The following KIF9 variants were observed in gnomAD, a reference collection of about 807,000 sequenced individuals.
KIF9 encodes the protein kinesin family member 9, also known as kinesin-like protein KIF9.
KIF9 carries 68 observed loss-of-function variants against 94.8 expected under a neutral mutation model. That is an observed-to-expected ratio of 0.72 (90% confidence interval 0.59 to 0.88). The LOEUF (loss-of-function observed/expected upper bound fraction) is 0.88. KIF9 is among the 40% of genes least tolerant of loss of function. KIF9 has a pLI of 0.00. For synonymous variants in KIF9, 343 were observed against 362.1 expected, an observed-to-expected ratio of 0.95 and a Z score of 0.60; for missense variants, 882 against 982.5, an observed-to-expected ratio of 0.90 and a Z score of 1.37.
rs781738573 is a variant in KIF9 at position 47,271,469 on chromosome 3, A to G, written c.367-8T>C. Reference sequence around the variant, plus strand: ...TTCGATCATCCTAAAAACCTAGATGACAGATTGTACAGCGGTCACCAAGAG... The same window carrying G: ...TTCGATCATCCTAAAAACCTAGATGGCAGATTGTACAGCGGTCACCAAGAG... On this transcript the variant is annotated splice_polypyrimidine_tract_variant and splice_region_variant and intron_variant, in intron 4 of 20. Coordinates refer to ENST00000684063, the MANE Select transcript of KIF9 (RefSeq NM_182902.4). 4.3e-6 allele frequency: 7 copies of G among 1,611,014 alleles called. No individual in the cohort carries two copies. Among genetic ancestry groups the G allele is most frequent in the Non-Finnish European group, 5.9e-6 (7 of 1,177,420 alleles).
At chr3:47,250,633 T>A in intron 10 of KIF9, 1 of 427,768 alleles carries the variant, frequency 2.3e-6, no homozygotes, top group East Asian at 6.4e-5. Flanking sequence ...GGATCATAAA[T>A]GACACATTTT....
intron 9 of KIF9, among the ~76,000 whole-genome samples, 160 bp from the exon 10 acceptor site, chr3:47,257,720 T>G (rs1700713371): frequency 6.6e-6 from 1 of 152,010 alleles, no homozygotes; most frequent in African/African-American, 2.4e-5. Context: ...GTCAAAAGAG[T>G]TCTTGGGTAT....
chr3:47,266,934 T>C (rs1458593611), intron 7 of KIF9, 42 bp downstream of exon 7: 1 of 1,432,940 alleles, frequency 7.0e-7, no homozygotes, highest in African/African-American at 1.4e-5. Flanking sequence ...GAAAAAGGGC[T>C]TGTGGTTTAT....
intron 10 of KIF9, among the ~76,000 whole-genome samples, chr3:47,252,132 A>G (rs1176808153): frequency 6.6e-6 from 1 of 152,232 alleles, no homozygotes; most frequent in Admixed American, 6.5e-5. Context: ...CAGTCTAGGA[A>G]AGGCAGCAAC....
At chr3:47,260,351 C>T (rs1216339014) in intron 9 of KIF9, among the ~76,000 whole-genome samples, 1 of 151,654 alleles carries the variant, frequency 6.6e-6, no homozygotes, top group Non-Finnish European at 1.5e-5. Flanking sequence ...AACTCAGAGG[C>T]TGGCGGGATC....
At chr3:47,239,344 G>C (rs1699295668) in intron 17 of KIF9, among the ~76,000 whole-genome samples, 1 of 152,190 alleles carries the variant, frequency 6.6e-6, no homozygotes, top group African/African-American at 2.4e-5. Context: ...TATGTTCAAA[G>C]AAAGTGTGAG....
intron 2 of KIF9, 22 bp downstream of exon 2, chr3:47,277,260 A>C (rs1433421921): frequency 6.3e-7 from 1 of 1,579,710 alleles, no homozygotes; most frequent in African/African-American, 1.3e-5. Context: ...CAGTCAGTTG[A>C]AGGCAAACAC....
At chr3:47,271,215 C>T (rs931077923) in intron 5 of KIF9, 22 bp downstream of exon 5, 1 of 1,540,428 alleles carries the variant, frequency 6.5e-7, no homozygotes, top group Non-Finnish European at 9.0e-7. Context: ...AGGAAAGGAA[C>T]CCTCAGGTTT....
At chr3:47,234,090 C>T (rs1019854584) in intron 20 of KIF9, among the ~76,000 whole-genome samples, 2 of 151,500 alleles carry the variant, frequency 1.3e-5, no homozygotes, top group South Asian at 4.2e-4. Flanking sequence ...TCCCACCCCC[C>T]CCAAAAAAAA....
At chr3:47,261,186 G>A (rs942180835) in intron 9 of KIF9, among the ~76,000 whole-genome samples, 1 of 152,212 alleles carries the variant, frequency 6.6e-6, no homozygotes, top group African/African-American at 2.4e-5. Context: ...ACTGGCCTCT[G>A]TGTCTTTGGC....
At chr3:47,239,947 T>C in intron 17 of KIF9, 1 of 1,366,372 alleles carries the variant, frequency 7.3e-7, no homozygotes, top group Non-Finnish European at 9.8e-7. Flanking sequence ...GAGCCAGGAG[T>C]GTGAAGAACA....
At chr3:47,258,042 C>T (rs539761771) in intron 9 of KIF9, among the ~76,000 whole-genome samples, 5 of 152,262 alleles carry the variant, frequency 3.3e-5, no homozygotes, top group South Asian at 2.1e-4. Context: ...CCCTCCTTCA[C>T]GCAGTTTTCA....
chr3:47,235,728 C>T (rs750941036), intron 19 of KIF9, 111 bp from the exon 20 acceptor site: 77 of 832,026 alleles, frequency 9.3e-5, no homozygotes, highest in Non-Finnish European at 1.4e-4. Context: ...ACCGCCCCAC[C>T]GCCACCAAAA....
At chr3:47,277,219 T>C (rs1275042703) in intron 2 of KIF9, 63 bp downstream of exon 2, 3 of 1,238,108 alleles carry the variant, frequency 2.4e-6, no homozygotes, top group Non-Finnish European at 3.5e-6. Flanking sequence ...GGAAATACGG[T>C]CACACTATAG....
chr3:47,253,789 T>C (rs1252589075), intron 10 of KIF9, among the ~76,000 whole-genome samples: 1 of 152,194 alleles, frequency 6.6e-6, no homozygotes, highest in East Asian at 1.9e-4. Flanking sequence ...TACTCCCCTG[T>C]TAAAGGATAT....
chr3:47,251,517 T>C (rs1047502310), intron 10 of KIF9, among the ~76,000 whole-genome samples: 2 of 152,056 alleles, frequency 1.3e-5, no homozygotes, highest in African/African-American at 2.4e-5. Flanking sequence ...TGAGCCAAGA[T>C]TGCACCACTG....
At position 47,253,259 on chromosome 3, in the gene KIF9, G is replaced by A. The variant is rs188940291; in HGVS notation, c.1059+4224C>T. Among the ~76,000 whole-genome samples the A allele has an allele frequency of 2.0e-4, 30 of 152,032 alleles. 1 individual carries two copies. Among genetic ancestry groups the A allele is most frequent in the Admixed American group, 1.2e-3 (19 of 15,260 alleles). On this transcript the variant is annotated intron_variant, in intron 10 of 20. Coordinates refer to ENST00000684063, the MANE Select transcript of KIF9 (RefSeq NM_182902.4). ...CAACCACTGCCCCTCAGGCACAAGC[G>A]ATTCTTGTGCCTCAGCCTCCCGAGT...
intron 8 of KIF9, among the ~76,000 whole-genome samples, chr3:47,264,800 C>T (rs1183354059): frequency 6.6e-6 from 1 of 152,222 alleles, no homozygotes; most frequent in African/African-American, 2.4e-5. Context: ...GACGTGATGG[C>T]ATCTGGATGG....
At chr3:47,276,956 G>T in intron 2 of KIF9, 1 of 159,842 alleles carries the variant, frequency 6.3e-6, no homozygotes, top group Non-Finnish European at 1.3e-5. Flanking sequence ...TGCACCCCAT[G>T]GGCGATTATA....
Sources: allele counts gnomAD v4.1 joint callset (sites outside exome capture counted in the v4.1 genomes callset), GRCh38; gene constraint gnomAD v4.1.1; transcripts MANE v1.5; gene names NCBI Gene and HGNC (gene_info 2026-07-23, HGNC 2026-07-21).